The following OPCML variants were observed in gnomAD, a reference collection of about 807,000 sequenced individuals.
OPCML encodes opioid binding protein/cell adhesion molecule like.
In OPCML, 13 loss-of-function variants were observed where a neutral mutation model predicts 37.8. The observed-to-expected ratio is 0.34, with a 90% CI of 0.22 to 0.55. The LOEUF (loss-of-function observed/expected upper bound fraction) is 0.55, where lower values mean the gene tolerates loss of function less well. OPCML is among the 20% of genes least tolerant of loss of function. The probability of loss-of-function intolerance (pLI) is 0.91; values close to 1 mark genes in which losing one functional copy is unlikely to be tolerated. For missense variants in OPCML, 341 were observed against 435.6 expected (o/e 0.78, Z 1.93); for synonymous variants, 176 against 168.8 (o/e 1.04, Z -0.33).
At chr11:132,866,083 A>G (rs1236970295) in intron 2 of OPCML, among the ~76,000 whole-genome samples, 1 of 152,122 alleles carries the variant, frequency 6.6e-6, no homozygotes, top group African/African-American at 2.4e-5. Flanking sequence ...AAAAAAAAAA[A>G]GTAGCTTAAA....
chr11:132,547,837 G>A lies in OPCML; in HGVS notation c.380-18651C>T, dbSNP rs567276739. Among the ~76,000 whole-genome samples, 52 of 152,186 alleles carry A rather than the reference G, an allele frequency of 3.4e-4. 1 individual carries two copies. Among genetic ancestry groups the A allele is most frequent in the Non-Finnish European group, 5.7e-4 (39 of 68,010 alleles). The stretch of plus-strand genomic sequence containing the variant: ...TTATCCTTGAACACATGCATTACTG[G>A]TGACAGTGTCAAGCAGCGTGCATTG... On this transcript the variant is annotated intron_variant, in intron 3 of 7. Coordinates refer to ENST00000524381, the MANE Select transcript of OPCML (RefSeq NM_001012393.5).
At chr11:132,890,110 T>C (rs1943584059) in intron 2 of OPCML, among the ~76,000 whole-genome samples, 1 of 152,188 alleles carries the variant, frequency 6.6e-6, no homozygotes, top group African/African-American at 2.4e-5. Flanking sequence ...TGCTATGCCT[T>C]CTTCCTTTTA....
In OPCML at chr11:133,399,081, G is replaced by C. The variant is rs536656640; in HGVS notation, c.61+133183C>G. ...TTCATCACATAATTATTTGTTACTT[G>C]CTTCCCTTTCTTATCTGAAATAAAT... On this transcript the variant is annotated intron_variant, in intron 1 of 7. Coordinates refer to ENST00000524381, the MANE Select transcript of OPCML (RefSeq NM_001012393.5). 1.1e-4 allele frequency among the ~76,000 whole-genome samples: 17 copies of C among 152,202 alleles called. No individual in the cohort carries two copies. The South Asian group carries it at 3.5e-3, about 32-fold the overall frequency.
intron 1 of OPCML, among the ~76,000 whole-genome samples, chr11:133,137,404 C>T (rs1949707572): frequency 6.6e-6 from 1 of 152,158 alleles, no homozygotes; most frequent in Admixed American, 6.5e-5. Flanking sequence ...AATGTGGATA[C>T]AACACTTTTC....
At chr11:132,743,863 A>G (rs1945521469) in intron 2 of OPCML, among the ~76,000 whole-genome samples, 1 of 152,234 alleles carries the variant, frequency 6.6e-6, no homozygotes, top group South Asian at 2.1e-4. Flanking sequence ...AAATGTCTCT[A>G]TTCATTTCTG....
rs1471389417 is a variant in OPCML at position 133,173,018 on chromosome 11, C to T, written c.62-230008G>A. The stretch of plus-strand genomic sequence containing the variant: ...AAAGTTGAATTTTTATGAAAAGTTA[C>T]ATGGCTTAATAATCAAACATCACTT... On this transcript the variant is annotated intron_variant, in intron 1 of 7. Coordinates refer to ENST00000524381, the MANE Select transcript of OPCML (RefSeq NM_001012393.5). The surrounding 1 kb of genome is among the most constrained non-coding windows in gnomAD (Gnocchi z 7.8). 6.6e-6 allele frequency among the ~76,000 whole-genome samples: 1 copy of T among 152,188 alleles called. No individual in the cohort carries two copies. The highest frequency in any genetic ancestry group is 1.5e-5 in the Non-Finnish European group (1 of 68,030).
chr11:132,507,342 C>T (rs10894566), intron 4 of OPCML, among the ~76,000 whole-genome samples: 30,379 of 151,770 alleles, frequency 0.2, 3,128 homozygotes, highest in Non-Finnish European at 0.22. Flanking sequence ...CTCTCTCAGT[C>T]TGGATGTTTA....
At chr11:132,835,781 C>T (rs1278764002) in intron 2 of OPCML, among the ~76,000 whole-genome samples, 1 of 152,264 alleles carries the variant, frequency 6.6e-6, no homozygotes, top group African/African-American at 2.4e-5. Flanking sequence ...TGCCCTTATG[C>T]CTCTTTCTTC....
chr11:133,270,411 T>C (rs1189611119), intron 1 of OPCML, among the ~76,000 whole-genome samples: 1 of 152,172 alleles, frequency 6.6e-6, no homozygotes, highest in Non-Finnish European at 1.5e-5. Flanking sequence ...ATGAGAAGGC[T>C]AGACAAATGA....
At chr11:132,814,235 G>T (rs910933897) in intron 2 of OPCML, among the ~76,000 whole-genome samples, 1 of 152,154 alleles carries the variant, frequency 6.6e-6, no homozygotes, top group Non-Finnish European at 1.5e-5. Flanking sequence ...TTCAGTCAAG[G>T]TTCTTCAGAG....
At chr11:132,824,164 T>A (rs1478973370) in intron 2 of OPCML, among the ~76,000 whole-genome samples, 3 of 152,222 alleles carry the variant, frequency 2.0e-5, no homozygotes, top group Admixed American at 2.0e-4. Flanking sequence ...AAATCTTGTG[T>A]TCTGAACCAT....
chr11:132,820,986 A>G (rs964219541), intron 2 of OPCML, among the ~76,000 whole-genome samples: 4 of 152,162 alleles, frequency 2.6e-5, no homozygotes, highest in African/African-American at 7.2e-5. Context: ...CTCTTTTTCA[A>G]TGGATCTAAT....
chr11:132,991,304 G>T (rs1337822752), intron 1 of OPCML, among the ~76,000 whole-genome samples: 1 of 152,112 alleles, frequency 6.6e-6, no homozygotes, highest in Non-Finnish European at 1.5e-5. Context: ...TTTCTCACTG[G>T]AAAGATTGCC....
intron 1 of OPCML, among the ~76,000 whole-genome samples, chr11:132,996,277 T>C (rs1946883220): frequency 6.6e-6 from 1 of 152,100 alleles, no homozygotes; most frequent in Non-Finnish European, 1.5e-5. Context: ...TTGGTTCTGA[T>C]ACAGGATTTG....
chr11:132,784,647 G>A (rs1050023026), intron 2 of OPCML, among the ~76,000 whole-genome samples: 3 of 152,084 alleles, frequency 2.0e-5, no homozygotes, highest in Non-Finnish European at 2.9e-5. Context: ...GGCCTGGTGC[G>A]AGGTGTCTGG....
intron 2 of OPCML, among the ~76,000 whole-genome samples, chr11:132,807,666 G>T (rs1459984056): frequency 6.6e-6 from 1 of 152,128 alleles, no homozygotes; most frequent in Non-Finnish European, 1.5e-5. Flanking sequence ...AGCCAGACAT[G>T]CCTGAAGGGA....
intron 3 of OPCML, among the ~76,000 whole-genome samples, chr11:132,625,608 C>T (rs1465325965): frequency 6.6e-6 from 1 of 152,158 alleles, no homozygotes; most frequent in African/African-American, 2.4e-5. Context: ...AAATAAGGTG[C>T]TTTCCTATGT....
chr11:132,874,748 A>G (rs926204149), intron 2 of OPCML, among the ~76,000 whole-genome samples: 8 of 152,162 alleles, frequency 5.3e-5, no homozygotes, highest in African/African-American at 7.2e-5. Context: ...GACTGCACGG[A>G]CGGTCTGTGT....
At chr11:133,126,170 A>G (rs935195381) in intron 1 of OPCML, among the ~76,000 whole-genome samples, 1 of 152,070 alleles carries the variant, frequency 6.6e-6, no homozygotes, top group African/African-American at 2.4e-5. Flanking sequence ...TTGGAGAACC[A>G]GAAAAGCAGG....
Sources: gnomAD v4.1 joint callset for allele counts (sites outside exome capture counted in the v4.1 genomes callset) on GRCh38, gnomAD v4.1.1 for gene constraint, Gnocchi (gnomAD v3.1) non-coding constraint, MANE v1.5 for transcripts, NCBI Gene and HGNC (gene_info 2026-07-23, HGNC 2026-07-21) for gene names.